The following CFAP53 variants were observed in gnomAD, a reference collection of about 807,000 sequenced individuals.
CFAP53 encodes cilia- and flagella-associated protein 53.
In CFAP53, 62 loss-of-function variants were observed where a neutral mutation model predicts 59.7. The observed-to-expected ratio is 1.04, with a 90% confidence interval of 0.85 to 1.28. The LOEUF is 1.28. Among genes scored for constraint, CFAP53 ranks in the 50% most tolerant of loss-of-function variants. CFAP53 has a pLI of 0.00. For synonymous variants in CFAP53, 218 were observed against 205.7 expected, an observed-to-expected ratio of 1.06 and a Z score of -0.51; for missense variants, 629 against 615.6, an observed-to-expected ratio of 1.02 and a Z score of -0.23.
In CFAP53 at chr18:50,234,904, T is replaced by C. The variant is rs80293324; in HGVS notation, c.1316+3699A>G. On this transcript the variant is annotated intron_variant, in intron 7 of 7. Transcript: ENST00000398545. The stretch of plus-strand genomic sequence containing the variant: ...GTCTTTTGGTTTGCAGGTATACCCA[T>C]GCTTGAGTGCAGCATTTGTAATATC... Among the ~76,000 whole-genome samples the C allele has an allele frequency of 3.7e-4, 57 of 152,362 alleles. No homozygotes were observed. In the East Asian group the frequency reaches 5.8e-3, roughly 15 times the overall value.
At chr18:50,230,609 C>G (rs1186357841) in intron 7 of CFAP53, among the ~76,000 whole-genome samples, 1 of 152,240 alleles carries the variant, frequency 6.6e-6, no homozygotes, top group East Asian at 1.9e-4. Flanking sequence ...TCGTGGGAAC[C>G]CCCAATTTAT....
intron 6 of CFAP53, among the ~76,000 whole-genome samples, chr18:50,240,997 T>C (rs181634678): frequency 6.6e-6 from 1 of 152,288 alleles, no homozygotes; most frequent in Admixed American, 6.5e-5. Flanking sequence ...TGGCATACTG[T>C]AGTATAATAA....
At chr18:50,235,525 G>A (rs1256482055) in intron 7 of CFAP53, among the ~76,000 whole-genome samples, 3 of 151,304 alleles carry the variant, frequency 2.0e-5, no homozygotes, top group African/African-American at 4.8e-5. Context: ...CTGGGATCAC[G>A]CCACTGCATT....
intron 7 of CFAP53, among the ~76,000 whole-genome samples, chr18:50,238,331 G>A (rs989603732): frequency 6.6e-6 from 1 of 152,136 alleles, no homozygotes; most frequent in African/African-American, 2.4e-5. Context: ...TAGCTGCAGT[G>A]TTTAACTCCT....
chr18:50,230,161 C>T (rs2033566420), intron 7 of CFAP53, among the ~76,000 whole-genome samples: 1 of 152,190 alleles, frequency 6.6e-6, no homozygotes, highest in East Asian at 1.9e-4. Context: ...TGGCACAGAG[C>T]TCCTACAACT....
intron 7 of CFAP53, among the ~76,000 whole-genome samples, chr18:50,237,827 A>G (rs2033652930): frequency 6.6e-6 from 1 of 152,136 alleles, no homozygotes; most frequent in Admixed American, 6.5e-5. Context: ...TATTTCCCAA[A>G]GCATCCAGAG....
intron 4 of CFAP53, 34 bp from the exon 5 acceptor site, chr18:50,251,010 G>GT (rs2033794079): frequency 6.4e-7 from 1 of 1,562,258 alleles, no homozygotes; most frequent in Admixed American, 1.7e-5. Flanking sequence ...TAATGCATCA[G>GT]TACAGTTGGA....
At chr18:50,262,615 C>T (rs973080758) in intron 1 of CFAP53, among the ~76,000 whole-genome samples, 2 of 152,160 alleles carry the variant, frequency 1.3e-5, no homozygotes, top group Non-Finnish European at 2.9e-5. Flanking sequence ...GACATTGCCA[C>T]TCATTATTCC....
Position 50,261,089 on chromosome 18 carries a change from C to T in CFAP53, c.448G>A (p.Ala150Thr), listed in dbSNP as rs2033888483. The T allele has an allele frequency of 1.3e-6, 2 of 1,598,444 alleles. No individual in the cohort carries two copies. The highest frequency in any genetic ancestry group is 1.8e-5 in the Admixed American group (1 of 55,620). ...KNEKERQDFVAEKLDQQFRER... is the reference protein window; with the variant it reads ...KNEKERQDFVTEKLDQQFRER... ...CTGAATTGCTGGTCTAGCTTTTCAG[C>T]CACAAAATCCTGCCTCTCTTTTTCA... The change falls in exon 3 of 8, where the codon GCT (alanine) becomes ACT (threonine). Residue 150 changes from alanine to threonine, a missense_variant. Coordinates refer to ENST00000398545, the MANE Select transcript of CFAP53 (RefSeq NM_145020.5).
intron 1 of CFAP53, among the ~76,000 whole-genome samples, chr18:50,264,329 T>C (rs2033918147): frequency 6.6e-6 from 1 of 152,194 alleles, no homozygotes; most frequent in Non-Finnish European, 1.5e-5. Flanking sequence ...AGGATTACAA[T>C]TTACAGTTCG....
At position 50,258,503 on chromosome 18, in the gene CFAP53, C is replaced by A. The variant is rs1028398318; in HGVS notation, c.473+2561G>T. Among the ~76,000 whole-genome samples, 3 of 152,242 alleles carry A rather than the reference C, an allele frequency of 2.0e-5. No individual in the cohort carries two copies. The East Asian group carries it at 5.8e-4, about 29-fold the overall frequency. The stretch of plus-strand genomic sequence containing the variant: ...AAGACCTCAAACTATGAAACTACTA[C>A]AAGAAACATTGGGGAAAAATCTCTA... On this transcript the variant is annotated intron_variant, in intron 3 of 7. Transcript: ENST00000398545.
At chr18:50,244,340 A>G (rs1277860222) in intron 5 of CFAP53, among the ~76,000 whole-genome samples, 1 of 152,078 alleles carries the variant, frequency 6.6e-6, no homozygotes, top group Non-Finnish European at 1.5e-5. Flanking sequence ...GATGGTTTAA[A>G]GTGTGGCTTT....
intron 3 of CFAP53, 35 bp downstream of exon 3, chr18:50,261,029 T>G: frequency 6.3e-7 from 1 of 1,579,572 alleles, no homozygotes; most frequent in Non-Finnish European, 8.6e-7. Flanking sequence ...TGTACCAACT[T>G]TGGATTCTGT....
intron 1 of CFAP53, among the ~76,000 whole-genome samples, chr18:50,263,461 A>C (rs1347143945): frequency 6.6e-6 from 1 of 152,228 alleles, no homozygotes; most frequent in Non-Finnish European, 1.5e-5. Flanking sequence ...CTCAGGGTAC[A>C]CATATAGGTA....
At chr18:50,265,645 G>A (rs1308704825) in intron 1 of CFAP53, among the ~76,000 whole-genome samples, 1 of 152,188 alleles carries the variant, frequency 6.6e-6, no homozygotes, top group East Asian at 1.9e-4. Context: ...GTTTTCTGGT[G>A]GGTAGAAACT....
intron 5 of CFAP53, among the ~76,000 whole-genome samples, chr18:50,244,129 T>C (rs777458717): frequency 1.3e-5 from 2 of 152,200 alleles, no homozygotes; most frequent in Non-Finnish European, 2.9e-5. Flanking sequence ...GCAGTAACTA[T>C]CCAATAGCAA....
intron 1 of CFAP53, among the ~76,000 whole-genome samples, chr18:50,265,370 T>C (rs2033938361): frequency 6.6e-6 from 1 of 152,234 alleles, no homozygotes; most frequent in Non-Finnish European, 1.5e-5. Flanking sequence ...AAATAAATTC[T>C]GTGTTTAGAC....
intron 1 of CFAP53, among the ~76,000 whole-genome samples, chr18:50,265,472 A>C (rs1044285722): frequency 3.3e-5 from 5 of 152,200 alleles, no homozygotes; most frequent in African/African-American, 1.2e-4. Context: ...CTCTGGTCCC[A>C]AGCATTTCAG....
At chr18:50,259,499 CA>C (rs756197294) in intron 3 of CFAP53, among the ~76,000 whole-genome samples, 1,656 of 118,510 alleles carry the variant, frequency 0.014, 9 homozygotes, top group African/African-American at 0.025. Flanking sequence ...TAATGGGTAC[CA>C]AAAAAAAAAA....
Sources: gnomAD v4.1 joint callset for allele counts (sites outside exome capture counted in the v4.1 genomes callset) on GRCh38, gnomAD v4.1.1 for gene constraint, MANE v1.5 for transcripts, NCBI Gene and HGNC (gene_info 2026-07-23, HGNC 2026-07-21) for gene names.